The following GPC5 variants were observed in gnomAD, a reference collection of about 807,000 sequenced individuals.
GPC5 encodes the protein glypican-5.
Under a neutral mutation model 53.9 loss-of-function variants are expected in GPC5, and 47 were observed. The ratio of observed to expected loss-of-function variants is 0.87; its 90% CI spans 0.69 to 1.11. GPC5 has a LOEUF of 1.11. Among genes scored for constraint, GPC5 ranks in the 50% most tolerant of loss-of-function variants. GPC5 has a pLI of 0.00. For synonymous variants in GPC5, 286 were observed against 263.3 expected (o/e 1.09, Z -0.84); for missense variants, 748 against 713.1 (o/e 1.05, Z -0.56).
At chr13:91,926,919 A>G (rs2039774862) in intron 6 of GPC5, among the ~76,000 whole-genome samples, 1 of 152,212 alleles carries the variant, frequency 6.6e-6, no homozygotes, top group Non-Finnish European at 1.5e-5. Flanking sequence ...TACCATGATT[A>G]TATTTTTTAT....
At position 92,764,459 on chromosome 13, in the gene GPC5, G is replaced by A. The variant is rs143332029; in HGVS notation, c.1562-101823G>A. 4.1e-3 allele frequency among the ~76,000 whole-genome samples: 622 copies of A among 152,318 alleles called. 6 individuals carry two copies. Among genetic ancestry groups the A allele is most frequent in the African/African-American group, 0.014 (584 of 41,576 alleles). Reference sequence around the variant, plus strand: ...AGGAGGAACACAGCCATATGGACTCGAGGCAGCTCCCTCAACTGGAATCAG... The same window carrying A: ...AGGAGGAACACAGCCATATGGACTCAAGGCAGCTCCCTCAACTGGAATCAG... On this transcript the variant is annotated intron_variant, in intron 7 of 7. Coordinates refer to ENST00000377067, the MANE Select transcript of GPC5 (RefSeq NM_004466.6).
chr13:92,219,030 CTA>C (rs2042430664), intron 7 of GPC5, among the ~76,000 whole-genome samples: 1 of 152,156 alleles, frequency 6.6e-6, no homozygotes, highest in Admixed American at 6.5e-5. Flanking sequence ...CTTTCCATGA[CTA>C]TTGATTTTAA....
At chr13:92,344,802 C>T (rs1355963421) in intron 7 of GPC5, among the ~76,000 whole-genome samples, 1 of 152,054 alleles carries the variant, frequency 6.6e-6, no homozygotes, top group Non-Finnish European at 1.5e-5. Flanking sequence ...AAAAGTTTTC[C>T]ATAGTCAAAC....
chr13:91,420,432 TTGGGGACTCC>T (rs1425037447), intron 1 of GPC5, among the ~76,000 whole-genome samples: 1 of 152,170 alleles, frequency 6.6e-6, no homozygotes, highest in Non-Finnish European at 1.5e-5. Flanking sequence ...AGTCTCCGTT[TTGGGGACTCC>T]TGGCTTTCAG....
chr13:92,207,146 C>G (rs772405698), intron 7 of GPC5, among the ~76,000 whole-genome samples: 2 of 152,156 alleles, frequency 1.3e-5, no homozygotes, highest in African/African-American at 2.4e-5. Flanking sequence ...GTTGCCAGTT[C>G]TGACTACCAG....
chr13:91,786,573 T>C (rs2037882737), intron 5 of GPC5, among the ~76,000 whole-genome samples: 1 of 152,192 alleles, frequency 6.6e-6, no homozygotes, highest in South Asian at 2.1e-4. Context: ...TGGCTTGCCT[T>C]TCCACTTTGT....
intron 7 of GPC5, among the ~76,000 whole-genome samples, chr13:92,613,500 AT>A (rs1884555058): frequency 1.3e-5 from 1 of 79,324 alleles, no homozygotes; most frequent in Non-Finnish European, 2.6e-5. Flanking sequence ...GTAATATATA[AT>A]TTATATATAA....
At chr13:91,737,549 A>G (rs1389105475) in intron 4 of GPC5, among the ~76,000 whole-genome samples, 1 of 151,466 alleles carries the variant, frequency 6.6e-6, no homozygotes, top group African/African-American at 2.5e-5. Context: ...CTTTGCCAAC[A>G]TAAATGAAAA....
At chr13:92,330,144 T>C (rs2043279012) in intron 7 of GPC5, among the ~76,000 whole-genome samples, 1 of 152,150 alleles carries the variant, frequency 6.6e-6, no homozygotes, top group African/African-American at 2.4e-5. Flanking sequence ...GAAAAGAGAA[T>C]GTGTTTAGCG....
Position 91,622,376 on chromosome 13 carries a change from A to G in GPC5, c.326-70811A>G, listed in dbSNP as rs549440096. Among the ~76,000 whole-genome samples the G allele has an allele frequency of 3.3e-4, 51 of 152,280 alleles. 2 individuals carry two copies. The Middle Eastern group carries it at 0.027, about 81-fold the overall frequency. ...GTAAGTCTACATCTTAACATCTGTA[A>G]GATATAGAAATGTCATTTCTACTTC... On this transcript the variant is annotated intron_variant, in intron 2 of 7. Transcript: ENST00000377067.
chr13:91,822,971 A>G (rs544347495), intron 5 of GPC5, among the ~76,000 whole-genome samples: 1 of 152,244 alleles, frequency 6.6e-6, no homozygotes, highest in African/African-American at 2.4e-5. Flanking sequence ...ATTAGTGATT[A>G]TAAGCATCTC....
chr13:91,530,297 G>T (rs550075559), intron 2 of GPC5, among the ~76,000 whole-genome samples: 2 of 152,346 alleles, frequency 1.3e-5, no homozygotes, highest in East Asian at 3.9e-4. Flanking sequence ...CTTGCTGGAG[G>T]TCATCAGGAA....
At chr13:91,775,120 T>C (rs2037689290) in intron 5 of GPC5, among the ~76,000 whole-genome samples, 1 of 152,076 alleles carries the variant, frequency 6.6e-6, no homozygotes, top group African/African-American at 2.4e-5. Context: ...AGTTTAAAGA[T>C]TGTCAGGAGA....
chr13:92,844,843 T>C (rs548981102), intron 7 of GPC5, among the ~76,000 whole-genome samples: 5 of 152,240 alleles, frequency 3.3e-5, no homozygotes, highest in South Asian at 4.1e-4. Context: ...TACCAGTAAA[T>C]GTGCAACGTA....
At chr13:92,135,217 A>G (rs760909824) in intron 6 of GPC5, among the ~76,000 whole-genome samples, 3 of 152,066 alleles carry the variant, frequency 2.0e-5, no homozygotes, top group Non-Finnish European at 4.4e-5. Context: ...TTTGCAAGGC[A>G]GGTTGTTTGC....
intron 7 of GPC5, among the ~76,000 whole-genome samples, chr13:92,651,251 A>T (rs1885949463): frequency 6.6e-6 from 1 of 151,744 alleles, no homozygotes; most frequent in South Asian, 2.1e-4. Context: ...TTGAAAAAAA[A>T]ATAGAGTTAC....
chr13:92,003,966 T>C (rs540296935), intron 6 of GPC5, among the ~76,000 whole-genome samples: 3 of 152,142 alleles, frequency 2.0e-5, no homozygotes, highest in Non-Finnish European at 4.4e-5. Flanking sequence ...TAAAAGATCC[T>C]CCTACCTCCT....
chr13:91,615,819 A>G (rs1182975992), intron 2 of GPC5, among the ~76,000 whole-genome samples: 7 of 152,090 alleles, frequency 4.6e-5, no homozygotes, highest in East Asian at 1.9e-4. Context: ...TCAATGATAA[A>G]CTCATCCTAA....
chr13:91,670,932 G>T (rs1291406549), intron 2 of GPC5, among the ~76,000 whole-genome samples: 1 of 152,124 alleles, frequency 6.6e-6, no homozygotes, highest in Non-Finnish European at 1.5e-5. Context: ...ATAGCAAAAG[G>T]ATGCAGAAAG....
Sources: gnomAD v4.1 joint callset for allele counts (sites outside exome capture counted in the v4.1 genomes callset) on GRCh38, gnomAD v4.1.1 for gene constraint, MANE v1.5 for transcripts, NCBI Gene and HGNC (gene_info 2026-07-23, HGNC 2026-07-21) for gene names.